Variants in NRXN1 observed in about 807,000 individuals in gnomAD.
The protein encoded by NRXN1 is neurexin-1.
A neutral mutation model predicts 150.9 loss-of-function variants in NRXN1; 39 were observed. The observed-to-expected ratio is 0.26, with a 90% CI of 0.20 to 0.34. The LOEUF (loss-of-function observed/expected upper bound fraction) is 0.34, where lower values mean the gene tolerates loss of function less well. NRXN1 is among the 10% of genes least tolerant of loss of function. NRXN1 has a pLI of 1.00. For missense variants in NRXN1, 1,815 were observed against 1,949.9 expected (o/e 0.93, Z 1.30); for synonymous variants, 924 against 757.0 (o/e 1.22, Z -3.62).
At chr2:50,887,948 AGGTACC>A (rs1351605923) in intron 5 of NRXN1, among the ~76,000 whole-genome samples, 3 of 150,864 alleles carry the variant, frequency 2.0e-5, no homozygotes, top group Non-Finnish European at 4.5e-5. Context: ...TAAAACAATA[AGGTACC>A]TTTTAAGTAA....
chr2:51,028,076 G>A lies in NRXN1; in HGVS notation c.198C>T (p.Leu66=). 5 of 1,592,258 alleles carry A rather than the reference G, an allele frequency of 3.1e-6. No individual in the cohort carries two copies. The highest frequency in any genetic ancestry group is 2.3e-5 in the East Asian group (1 of 44,412). Reference sequence around the variant, plus strand: ...AGCCCTCGTCGTCGAAGTAGAGCACGAGGCCGCGGGCGCTGCGAGTCTTGA... The same window carrying A: ...AGCCCTCGTCGTCGAAGTAGAGCACAAGGCCGCGGGCGCTGCGAGTCTTGA... ...FQLKTRSARG[L]VLYFDDEGFC... is the part of the protein sequence containing the mutation. The change falls in exon 2 of 23, where the codon CTC becomes CTT. Residue 66 remains leucine, a synonymous_variant. Transcript: ENST00000401669.
chr2:50,226,168 C>T (rs1311357702), intron 18 of NRXN1, among the ~76,000 whole-genome samples: 2 of 151,976 alleles, frequency 1.3e-5, no homozygotes, highest in Admixed American at 6.6e-5. Flanking sequence ...TCATTAACTA[C>T]CTGAGTATAT....
chr2:49,945,947 C>G (rs1558556997), intron 21 of NRXN1, among the ~76,000 whole-genome samples: 1 of 152,054 alleles, frequency 6.6e-6, no homozygotes, highest in Non-Finnish European at 1.5e-5. Flanking sequence ...GTTCTAGATC[C>G]TTGAGGAATC....
intron 18 of NRXN1, among the ~76,000 whole-genome samples, chr2:50,177,716 A>T (rs2060435713): frequency 6.6e-6 from 1 of 151,494 alleles, no homozygotes; most frequent in Non-Finnish European, 1.5e-5. Context: ...ATACTCTAGA[A>T]TGTTTCCTGA....
Position 50,627,742 on chromosome 2 carries a change from A to G in NRXN1, c.833-4127T>C, listed in dbSNP as rs140174553. 7.1e-4 allele frequency among the ~76,000 whole-genome samples: 107 copies of G among 151,764 alleles called. No homozygotes were observed. The East Asian group carries it at 0.02, about 29-fold the overall frequency. On this transcript the variant is annotated intron_variant, in intron 5 of 22. Coordinates refer to ENST00000401669, the MANE Select transcript of NRXN1 (RefSeq NM_001330078.2). ...GCCTTAAAGACAATCCTGCAGCCCA[A>G]CCCATTAATTTACATTATTAAGAAA... is the stretch of plus-strand genomic sequence containing the variant.
chr2:50,730,965 G>A (rs560250432), intron 5 of NRXN1, among the ~76,000 whole-genome samples: 2 of 152,056 alleles, frequency 1.3e-5, no homozygotes, highest in East Asian at 1.9e-4. Context: ...GAGCCACCGC[G>A]CCCGGCCTTC....
At chr2:50,568,972 T>C (rs1670258441) in intron 8 of NRXN1, among the ~76,000 whole-genome samples, 1 of 152,078 alleles carries the variant, frequency 6.6e-6, no homozygotes, top group African/African-American at 2.4e-5. Context: ...TAAAAAAGAA[T>C]GGGATTCTGT....
chr2:50,862,443 G>A (rs1277041019), intron 5 of NRXN1, among the ~76,000 whole-genome samples: 1 of 151,908 alleles, frequency 6.6e-6, no homozygotes, highest in African/African-American at 2.4e-5. Context: ...AAACTGATTT[G>A]GTGCAGTCAT....
At chr2:50,414,388 T>C (rs551234985) in intron 17 of NRXN1, among the ~76,000 whole-genome samples, 1 of 152,098 alleles carries the variant, frequency 6.6e-6, no homozygotes, top group African/African-American at 2.4e-5. Context: ...CATACCTTTT[T>C]TGGGGGAATA....
At chr2:50,924,565 T>C (rs1055079139) in intron 3 of NRXN1, among the ~76,000 whole-genome samples, 1 of 151,686 alleles carries the variant, frequency 6.6e-6, no homozygotes, top group African/African-American at 2.4e-5. Flanking sequence ...TCAGTTGACA[T>C]GCACAATATA....
intron 18 of NRXN1, among the ~76,000 whole-genome samples, chr2:50,168,656 G>A (rs1324904745): frequency 6.6e-6 from 1 of 152,166 alleles, no homozygotes; most frequent in African/African-American, 2.4e-5. Flanking sequence ...TTTACTGGCA[G>A]GTTGACCGAA....
At chr2:50,018,235 C>G (rs116225528) in intron 21 of NRXN1, among the ~76,000 whole-genome samples, 3 of 152,100 alleles carry the variant, frequency 2.0e-5, no homozygotes, top group Non-Finnish European at 4.4e-5. Context: ...TAAGGCTGGA[C>G]GTTTTTCAGA....
intron 21 of NRXN1, among the ~76,000 whole-genome samples, chr2:49,999,016 T>G (rs1338084869): frequency 6.8e-6 from 1 of 146,194 alleles, no homozygotes. Context: ...CTTCTCGTAC[T>G]TTAGTGTACT....
intron 13 of NRXN1, among the ~76,000 whole-genome samples, chr2:50,500,221 G>T (rs1405641695): frequency 1.3e-5 from 2 of 152,040 alleles, no homozygotes; most frequent in Non-Finnish European, 2.9e-5. Flanking sequence ...AGACTAAGGA[G>T]TTCAGTAATA....
chr2:50,583,891 T>C (rs558733691), intron 8 of NRXN1, among the ~76,000 whole-genome samples: 33 of 152,308 alleles, frequency 2.2e-4, no homozygotes, highest in Non-Finnish European at 4.1e-4. Context: ...TTCCACTGTA[T>C]CATGTGCTTA....
chr2:50,921,943 G>A (rs747825258), intron 4 of NRXN1, 63 bp from the exon 5 acceptor site: 1 of 949,882 alleles, frequency 1.1e-6, no homozygotes, highest in Non-Finnish European at 1.5e-6. Context: ...ATAAAGAGGA[G>A]AAAAACAACA....
At chr2:50,837,389 T>C (rs971628218) in intron 5 of NRXN1, among the ~76,000 whole-genome samples, 3 of 152,120 alleles carry the variant, frequency 2.0e-5, no homozygotes, top group African/African-American at 7.2e-5. Flanking sequence ...GGCATACTTT[T>C]TGGGTCAGAT....
chr2:50,426,413 G>C (rs1475930119), intron 17 of NRXN1, among the ~76,000 whole-genome samples: 2 of 152,138 alleles, frequency 1.3e-5, no homozygotes, highest in African/African-American at 4.8e-5. Flanking sequence ...TCATTTAGTT[G>C]AGAAACATTC....
At chr2:50,163,150 T>A (rs1170814256) in intron 18 of NRXN1, among the ~76,000 whole-genome samples, 1 of 69,534 alleles carries the variant, frequency 1.4e-5, no homozygotes, top group African/African-American at 7.9e-5. Flanking sequence ...GTTATAGATC[T>A]ATCAATCCAA....
Sources: gnomAD v4.1 joint callset for allele counts (sites outside exome capture counted in the v4.1 genomes callset) on GRCh38, gnomAD v4.1.1 for gene constraint, MANE v1.5 for transcripts, NCBI Gene and HGNC (gene_info 2026-07-23, HGNC 2026-07-21) for gene names.